DNAH8: variants seen among roughly 807,000 people sequenced by gnomAD.
DNAH8 encodes dynein axonemal heavy chain 8.
A neutral mutation model predicts 562.1 loss-of-function variants in DNAH8; 382 were observed. The ratio of observed to expected loss-of-function variants is 0.68; its 90% CI spans 0.63 to 0.74. The LOEUF (loss-of-function observed/expected upper bound fraction) is 0.74. DNAH8 is among the 30% of genes least tolerant of loss of function. The probability of loss-of-function intolerance (pLI) is 0.00; values close to 1 mark genes in which losing one functional copy is unlikely to be tolerated. For missense variants in DNAH8, 5,203 were observed against 5,620.4 expected, an observed-to-expected ratio of 0.93 and a Z score of 2.37; for synonymous variants, 1,881 against 1,919.4, an observed-to-expected ratio of 0.98 and a Z score of 0.52.
In DNAH8 at chr6:39,030,594, T is replaced by A. The variant is rs562079827; in HGVS notation, c.*202T>A. 1.9e-6 allele frequency: 1 copy of A among 522,010 alleles called. No homozygotes were observed. Among genetic ancestry groups the A allele is most frequent in the African/African-American group, 1.9e-5 (1 of 52,332 alleles). The allele number at this position is 522,010 out of a possible 1,614,324, so 32.3% of individuals were successfully genotyped here. A position where few individuals can be genotyped will look rare whatever the true frequency, so the allele number is the denominator to read the frequency against. On this transcript the variant is annotated 3_prime_UTR_variant, in exon 93 of 93. Coordinates refer to ENST00000327475, the MANE Select transcript of DNAH8 (RefSeq NM_001206927.2). Reference sequence around the variant, plus strand: ...AAAAAGATAACTCTAAATGAATGTTTTTTATTCTGGGAAATCATATTTCAC... The same window carrying A: ...AAAAAGATAACTCTAAATGAATGTTATTTATTCTGGGAAATCATATTTCAC...
At chr6:38,957,866 C>CAAAAAAAAAAAAAAAAAAAA (rs1209427701) in intron 82 of DNAH8, among the ~76,000 whole-genome samples, 2 of 75,912 alleles carry the variant, frequency 2.6e-5, no homozygotes, top group Non-Finnish European at 4.9e-5. Context: ...ATGCCTACAC[C>CAAAAAAAAAAAAAAAAAAAA]AAAAAAAAAA....
rs115692769 is a variant in DNAH8 at position 39,022,187 on chromosome 6, G to C, written c.13715-4359G>C. On this transcript the variant is annotated intron_variant, in intron 91 of 92. Coordinates refer to ENST00000327475, the MANE Select transcript of DNAH8 (RefSeq NM_001206927.2). Reference sequence around the variant, plus strand: ...TTGGATTTTGTGTGTGTGGGTAAGTGGGGGGTAGCTGTCTATAACTTTCAT... The same window carrying C: ...TTGGATTTTGTGTGTGTGGGTAAGTCGGGGGTAGCTGTCTATAACTTTCAT... Among the ~76,000 whole-genome samples the C allele has an allele frequency of 1.6e-4, 25 of 152,298 alleles. 1 individual carries two copies. The South Asian group carries it at 4.8e-3, about 29-fold the overall frequency.
chr6:38,814,781 G>A (rs576293654), intron 25 of DNAH8, among the ~76,000 whole-genome samples: 3 of 152,198 alleles, frequency 2.0e-5, no homozygotes, highest in Non-Finnish European at 2.9e-5. Context: ...GTGAGGCAAC[G>A]CACTAAGGTA....
At chr6:38,911,695 G>T (rs755827229) in intron 66 of DNAH8, 109 bp downstream of exon 66, 14 of 741,666 alleles carry the variant, frequency 1.9e-5, no homozygotes, top group Non-Finnish European at 3.2e-5. Flanking sequence ...TACTCACTTT[G>T]TTAGTAGTAG....
chr6:38,990,031 T>C lies in DNAH8; in HGVS notation c.13073T>C (p.Met4358Thr), dbSNP rs777862332. 13 of 1,599,638 alleles carry C rather than the reference T, an allele frequency of 8.1e-6. No individual in the cohort carries two copies. Among genetic ancestry groups the C allele is most frequent in the African/African-American group, 1.3e-5 (1 of 74,624 alleles). ...CFARVWFSEK[M>T]FEPSFCFYTG... is the part of the protein sequence containing the mutation. ...ATACAGGTCTGGTTCAGTGAGAAGA[T>C]GTTTGAACCGTCATTCTGCTTTTAT... The change falls in exon 88 of 93, where the codon ATG becomes ACG. Residue 4358 changes from methionine (M) to threonine (T), a missense_variant. Transcript: ENST00000327475.
At chr6:38,972,435 C>T (rs1023692819) in intron 83 of DNAH8, among the ~76,000 whole-genome samples, 1 of 152,118 alleles carries the variant, frequency 6.6e-6, no homozygotes, top group Non-Finnish European at 1.5e-5. Context: ...ATCTTTATCA[C>T]TTAATTAAAT....
intron 33 of DNAH8, 105 bp downstream of exon 33, chr6:38,838,147 C>T (rs1774455154): frequency 5.8e-6 from 4 of 684,078 alleles, no homozygotes; most frequent in Non-Finnish European, 9.8e-6. Context: ...GACACTACAG[C>T]TTGGAGCACA....
intron 67 of DNAH8, 56 bp from the exon 68 acceptor site, chr6:38,915,145 A>T: frequency 1.4e-6 from 2 of 1,464,728 alleles, no homozygotes; most frequent in South Asian, 2.6e-5. Flanking sequence ...ATTCAGATCT[A>T]TAAATTTTGC....
At chr6:38,902,065 G>C (rs976227765) in intron 62 of DNAH8, among the ~76,000 whole-genome samples, 3 of 152,274 alleles carry the variant, frequency 2.0e-5, no homozygotes, top group Admixed American at 2.0e-4. Context: ...ATTCCTGTAG[G>C]CATCTAAATT....
At chr6:38,851,473 T>C in intron 38 of DNAH8, 99 bp from the exon 39 acceptor site, 1 of 702,314 alleles carries the variant, frequency 1.4e-6, no homozygotes, top group Non-Finnish European at 2.4e-6. Context: ...TGTTTGCTAT[T>C]ATCTTAGCAA....
chr6:38,982,884 G>C (rs1036565606), intron 86 of DNAH8, among the ~76,000 whole-genome samples: 10 of 152,164 alleles, frequency 6.6e-5, no homozygotes, highest in Non-Finnish European at 8.8e-5. Context: ...ATACTTTCTA[G>C]TAATGGTCAT....
At chr6:38,906,539 A>G in intron 63 of DNAH8, 132 bp downstream of exon 63, 1 of 690,936 alleles carries the variant, frequency 1.4e-6, no homozygotes. Flanking sequence ...AATGTACGAG[A>G]TTTAGCAGAT....
chr6:38,911,803 C>A (rs1583332536), intron 66 of DNAH8, among the ~76,000 whole-genome samples: 2 of 152,302 alleles, frequency 1.3e-5, no homozygotes, highest in South Asian at 4.2e-4. Flanking sequence ...TCTGCAGAAC[C>A]ATTTCTCCTG....
chr6:38,979,777 A>G (rs1368811425), intron 85 of DNAH8, among the ~76,000 whole-genome samples: 3 of 152,216 alleles, frequency 2.0e-5, no homozygotes, highest in Non-Finnish European at 2.9e-5. Context: ...CCATAGAGTC[A>G]ATTTGAGCAG....
In DNAH8 at chr6:38,842,914, G is replaced by A. The variant is rs554496701; in HGVS notation, c.4845+11G>A. On this transcript the variant is annotated intron_variant, in intron 35 of 92. Transcript: ENST00000327475. ...AAGGATGATATTGAGGTACATAAGTGTATACGTTCTTATCAATGATCCATT... is the reference window on the plus strand; with the variant it reads ...AAGGATGATATTGAGGTACATAAGTATATACGTTCTTATCAATGATCCATT... 5.0e-6 allele frequency: 8 copies of A among 1,609,804 alleles called. No homozygotes were observed. In the African/African-American group the frequency reaches 5.3e-5, roughly 11 times the overall value.
intron 78 of DNAH8, among the ~76,000 whole-genome samples, 163 bp from the exon 79 acceptor site, chr6:38,938,635 A>G (rs1271411084): frequency 6.6e-6 from 1 of 152,170 alleles, no homozygotes; most frequent in African/African-American, 2.4e-5. Flanking sequence ...AAAATAACTA[A>G]TGGGTACTAG....
chr6:38,790,027 T>C (rs988086346), intron 19 of DNAH8, 144 bp downstream of exon 19: 10 of 639,840 alleles, frequency 1.6e-5, no homozygotes, highest in East Asian at 1.2e-4. Flanking sequence ...TTTTTTTTTT[T>C]CTGCAGAATT....
intron 37 of DNAH8, among the ~76,000 whole-genome samples, chr6:38,849,589 A>G (rs1775578166): frequency 6.6e-6 from 1 of 151,496 alleles, no homozygotes; most frequent in Non-Finnish European, 1.5e-5. Flanking sequence ...TTTTTTTGAA[A>G]ATGGCCGATT....
chr6:38,832,793 G>GC (rs1369192534), intron 31 of DNAH8, among the ~76,000 whole-genome samples: 2 of 152,148 alleles, frequency 1.3e-5, no homozygotes, highest in African/African-American at 4.8e-5. Context: ...TGGCCTGTGG[G>GC]CTGTGGGTTG....
Sources: allele counts gnomAD v4.1 joint callset (sites outside exome capture counted in the v4.1 genomes callset), GRCh38; gene constraint gnomAD v4.1.1; transcripts MANE v1.5; gene names NCBI Gene and HGNC (gene_info 2026-07-23, HGNC 2026-07-21).